Variants in ALDH9A1 observed in about 807,000 individuals in gnomAD.
ALDH9A1 encodes the protein 4-trimethylaminobutyraldehyde dehydrogenase.
Under a neutral mutation model 56.6 loss-of-function variants are expected in ALDH9A1, and 42 were observed. That is an observed-to-expected ratio of 0.74 (90% CI 0.58 to 0.96). The LOEUF (loss-of-function observed/expected upper bound fraction) is 0.96, where lower values mean the gene tolerates loss of function less well. Ranked by LOEUF, ALDH9A1 falls within the 40% of genes least tolerant of loss-of-function variation. The probability of loss-of-function intolerance (pLI) is 0.00; values close to 1 mark genes in which losing one functional copy is unlikely to be tolerated. For missense variants in ALDH9A1, 661 were observed against 651.5 expected (o/e 1.01, Z -0.16); for synonymous variants, 242 against 236.0 (o/e 1.03, Z -0.23).
At position 165,680,577 on chromosome 1, in the gene ALDH9A1, C is replaced by A. The variant is rs561795333; in HGVS notation, c.699G>T (p.Val233=). 8 of 1,614,186 alleles carry A rather than the reference C, an allele frequency of 5.0e-6. No homozygotes were observed. The South Asian group carries it at 7.7e-5, about 16-fold the overall frequency. ...ACTGGCCTGTGGCAGCCCCTCCCTG[C>A]ACCACATTGAAGAGCCCAGGAGGTA... The part of the protein sequence containing the change: ...AGVPPGLFNV[V]QGGAATGQFL... The change falls in exon 5 of 11, where the codon GTG becomes GTT. Residue 233 remains valine, a synonymous_variant. Transcript: ENST00000354775.
intron 3 of ALDH9A1, among the ~76,000 whole-genome samples, chr1:165,682,585 T>G (rs72698072): frequency 0.023 from 3,513 of 152,278 alleles, 55 homozygotes; most frequent in Non-Finnish European, 0.033. Context: ...GTAAGTTCCT[T>G]GCAACCTTCC....
Position 165,669,367 on chromosome 1 carries a change from C to T in ALDH9A1, c.1014G>A (p.Arg338=), listed in dbSNP as rs762244773. The change falls in exon 7 of 11, where the codon AGG becomes AGA. Residue 338 remains arginine, a synonymous_variant. Transcript: ENST00000354775. ...FTEEVVKQTQ[R]IKIGDPLLED... The stretch of plus-strand genomic sequence containing the variant: ...CCAGAAGGGGATCTCCAATTTTAAT[C>T]CTTTGGGTCTGTTTCACCACTTCCT... 1.2e-6 allele frequency: 2 copies of T among 1,614,008 alleles called. No homozygotes were observed. The highest frequency in any genetic ancestry group is 2.2e-5 in the South Asian group (2 of 91,064).
chr1:165,691,354 A>G (rs746835514), intron 2 of ALDH9A1, among the ~76,000 whole-genome samples: 5 of 152,240 alleles, frequency 3.3e-5, no homozygotes, highest in Non-Finnish European at 7.3e-5. Context: ...AACAAAAAGG[A>G]CATCCACACC....
At chr1:165,681,450 T>C (rs985930693) in intron 4 of ALDH9A1, among the ~76,000 whole-genome samples, 1 of 152,212 alleles carries the variant, frequency 6.6e-6, no homozygotes, top group African/African-American at 2.4e-5. Flanking sequence ...TTTTCCTCTT[T>C]CACAGCTGTA....
intron 2 of ALDH9A1, among the ~76,000 whole-genome samples, chr1:165,687,430 C>T (rs1649746015): frequency 6.6e-6 from 1 of 151,324 alleles, no homozygotes; most frequent in Non-Finnish European, 1.5e-5. Context: ...AATCAAATTG[C>T]TTAAAACCAG....
At chr1:165,682,359 C>T (rs1435478908) in intron 3 of ALDH9A1, 118 bp from the exon 4 acceptor site, 2 of 1,071,510 alleles carry the variant, frequency 1.9e-6, no homozygotes, top group Non-Finnish European at 2.7e-6. Context: ...TCTCCCAATA[C>T]ACCAGGCTCA....
chr1:165,698,271 G>T, intron 1 of ALDH9A1, 107 bp downstream of exon 1: 1 of 1,467,758 alleles, frequency 6.8e-7, no homozygotes, highest in Non-Finnish European at 9.0e-7. Context: ...CACTGTCACT[G>T]TCTTGTGCTC....
At chr1:165,663,478 C>G (rs1267274251) in intron 10 of ALDH9A1, among the ~76,000 whole-genome samples, 1 of 152,186 alleles carries the variant, frequency 6.6e-6, no homozygotes, top group African/African-American at 2.4e-5. Context: ...CAATAATCAA[C>G]CTGACACCCT....
intron 5 of ALDH9A1, 136 bp from the exon 6 acceptor site, chr1:165,679,718 C>A (rs1172093333): frequency 3.3e-6 from 3 of 917,396 alleles, no homozygotes; most frequent in Non-Finnish European, 5.0e-6. Flanking sequence ...TATCCTTTGC[C>A]TTTTGGCTAT....
chr1:165,663,646 T>C (rs1293832095), intron 10 of ALDH9A1, among the ~76,000 whole-genome samples: 1 of 152,158 alleles, frequency 6.6e-6, no homozygotes, highest in East Asian at 1.9e-4. Flanking sequence ...ACTGCCCAAT[T>C]ACTAGTGGGT....
rs552342371 is a variant in ALDH9A1, at chr1:165,675,863, T to C, written c.930+3579A>G. ...GAATATAAAAACAACTGTAAAAAAA[T>C]TCTGAGCTCTAATTAGAAGGTTTAT... On this transcript the variant is annotated intron_variant, in intron 6 of 10. Coordinates refer to ENST00000354775, the MANE Select transcript of ALDH9A1 (RefSeq NM_000696.4). Among the ~76,000 whole-genome samples, 33 of 152,286 alleles carry C rather than the reference T, an allele frequency of 2.2e-4. 1 individual carries two copies. The highest frequency in any genetic ancestry group is 4.1e-4 in the Non-Finnish European group (28 of 68,024).
intron 2 of ALDH9A1, among the ~76,000 whole-genome samples, chr1:165,683,827 A>G (rs1336829994): frequency 6.6e-6 from 1 of 152,216 alleles, no homozygotes; most frequent in Non-Finnish European, 1.5e-5. Context: ...AGGAAATTAG[A>G]CCTAAGAAAG....
chr1:165,687,270 A>C (rs1231502118), intron 2 of ALDH9A1, among the ~76,000 whole-genome samples: 1 of 151,414 alleles, frequency 6.6e-6, no homozygotes, highest in African/African-American at 2.4e-5. Context: ...GGAGGCCCTG[A>C]AGGAGAAGTG....
At position 165,674,558 on chromosome 1, in the gene ALDH9A1, T is replaced by A. The variant is rs1241635032; in HGVS notation, c.930+4884A>T. Among the ~76,000 whole-genome samples the A allele has an allele frequency of 2.0e-5, 3 of 150,914 alleles. No homozygotes were observed. In the East Asian group the frequency reaches 5.9e-4, roughly 30 times the overall value. ...AAAATTAGTCAGGCGTGGTGGCACA[T>A]GCCTGTAATCCCAGCTACTCAGGAG... On this transcript the variant is annotated intron_variant, in intron 6 of 10. Coordinates refer to ENST00000354775, the MANE Select transcript of ALDH9A1 (RefSeq NM_000696.4).
chr1:165,666,921 T>C (rs138131878), intron 9 of ALDH9A1, among the ~76,000 whole-genome samples: 2 of 152,228 alleles, frequency 1.3e-5, no homozygotes, highest in Non-Finnish European at 2.9e-5. Context: ...ACATGAGTTA[T>C]AATGCATTCC....
At chr1:165,694,757 G>A (rs1484848336) in intron 2 of ALDH9A1, among the ~76,000 whole-genome samples, 1 of 152,094 alleles carries the variant, frequency 6.6e-6, no homozygotes, top group East Asian at 1.9e-4. Context: ...AGGAGTTCAA[G>A]ACCAGCCTGG....
chr1:165,698,193 T>C, intron 1 of ALDH9A1, 185 bp downstream of exon 1: 1 of 1,361,324 alleles, frequency 7.3e-7, no homozygotes, highest in Non-Finnish European at 9.4e-7. Context: ...TCCCTACCCA[T>C]CCCTGCCCGG....
chr1:165,689,160 T>C (rs893534932), intron 2 of ALDH9A1, among the ~76,000 whole-genome samples: 2 of 152,228 alleles, frequency 1.3e-5, no homozygotes, highest in Non-Finnish European at 2.9e-5. Context: ...CTTTGGTTTA[T>C]CGAATTAAAA....
Position 165,679,658 on chromosome 1 carries a change from C to T in ALDH9A1, c.790-76G>A, listed in dbSNP as rs1037440029. On this transcript the variant is annotated intron_variant, in intron 5 of 10. Transcript: ENST00000354775. ...ATGCTAAGTCAACTAGGCCCTGAAC[C>T]TACAAAATCATCTTGAACTGTTTGT... The T allele has an allele frequency of 5.4e-6, 8 of 1,469,214 alleles. No homozygotes were observed. The Admixed American group carries it at 1.2e-4, about 22-fold the overall frequency. The allele number at this position is 1,469,214 out of a possible 1,614,324, so 91.0% of individuals were successfully genotyped here. A position where few individuals can be genotyped will look rare whatever the true frequency, so the allele number is the denominator to read the frequency against.
Sources: gnomAD v4.1 joint callset for allele counts (sites outside exome capture counted in the v4.1 genomes callset) on GRCh38, gnomAD v4.1.1 for gene constraint, MANE v1.5 for transcripts, NCBI Gene and HGNC (gene_info 2026-07-23, HGNC 2026-07-21) for gene names.